Variants in TLE6 observed in about 807,000 individuals in gnomAD.
The protein encoded by TLE6 is TLE family member 6, subcortical maternal complex member.
A neutral mutation model predicts 77.1 loss-of-function variants in TLE6; 72 were observed. The ratio of observed to expected loss-of-function variants is 0.93; its 90% CI spans 0.77 to 1.14. TLE6 has a LOEUF of 1.14. Ranked by LOEUF, TLE6 falls within the 50% of genes most tolerant of loss-of-function variation. The probability of loss-of-function intolerance (pLI) is 0.00; values close to 1 mark genes in which losing one functional copy is unlikely to be tolerated. For missense variants in TLE6, 843 were observed against 747.6 expected (o/e 1.13, Z -1.49); for synonymous variants, 366 against 287.3 (o/e 1.27, Z -2.77).
At chr19:2,983,586 A>ACGAGGAAGC (rs1179722963) in intron 5 of TLE6, among the ~76,000 whole-genome samples, 1 of 129,044 alleles carries the variant, frequency 7.7e-6, no homozygotes, top group African/African-American at 3.4e-5. Context: ...TGAAGGCACT[A>ACGAGGAAGC]CGAGGAAGCC....
intron 11 of TLE6, 82 bp from the exon 12 acceptor site, chr19:2,988,979 C>T: frequency 6.5e-7 from 1 of 1,549,950 alleles, no homozygotes; most frequent in Non-Finnish European, 8.7e-7. Context: ...AAAAAGAAGC[C>T]CCTCTAGGCC....
chr19:2,993,746 G>A (rs907677198), intron 15 of TLE6, among the ~76,000 whole-genome samples, 164 bp downstream of exon 15: 1 of 152,022 alleles, frequency 6.6e-6, no homozygotes, highest in African/African-American at 2.4e-5. Flanking sequence ...AGGGAGGGAA[G>A]GGGGTGGGTG....
rs138108619 is a variant in TLE6, at chr19:2,991,868, G to A, written c.1270G>A (p.Val424Ile). 5 of 1,613,764 alleles carry A rather than the reference G, an allele frequency of 3.1e-6. No individual in the cohort carries two copies. The highest frequency in any genetic ancestry group is 1.6e-4 in the Middle Eastern group (1 of 6,084). Reference sequence around the variant, plus strand: ...GGACCTCAAGGGTTATCCTGATGGAGTCAAGAGTATCGTGGTCAAGGGCTA... The same window carrying A: ...GGACCTCAAGGGTTATCCTGATGGAATCAAGAGTATCGTGGTCAAGGGCTA... ...VRDLKGYPDGVKSIVVKGYNI... is the reference protein window; with the variant it reads ...VRDLKGYPDGIKSIVVKGYNI... The change falls in exon 14 of 17, where the codon GTC (valine) becomes ATC (isoleucine). Residue 424 changes from valine (V) to isoleucine (I), a missense_variant. Val to Ile is a conservative substitution (Grantham distance 29). Coordinates refer to ENST00000246112, the MANE Select transcript of TLE6 (RefSeq NM_001143986.2).
chr19:2,991,419 CACACACAT>C (rs113256897), intron 13 of TLE6, among the ~76,000 whole-genome samples: 17 of 148,162 alleles, frequency 1.1e-4, no homozygotes, highest in African/African-American at 3.7e-4. Context: ...CACACACACA[CACACACAT>C]ATATATAATA....
chr19:2,987,441 C>A, intron 8 of TLE6, 69 bp downstream of exon 8: 1 of 1,600,082 alleles, frequency 6.2e-7, no homozygotes, highest in South Asian at 1.1e-5. Flanking sequence ...TCCCCCAGGT[C>A]AGGGCACTGG....
intron 12 of TLE6, 89 bp downstream of exon 12, chr19:2,989,402 G>A: frequency 6.3e-7 from 1 of 1,584,652 alleles, no homozygotes; most frequent in South Asian, 1.1e-5. Flanking sequence ...ATCGTGGAGA[G>A]AGGGCTTCCA....
At chr19:2,989,870 C>T in intron 13 of TLE6, 85 bp downstream of exon 13, 6 of 1,552,588 alleles carry the variant, frequency 3.9e-6, no homozygotes, top group Non-Finnish European at 5.3e-6. Flanking sequence ...CCACCTCTGC[C>T]CGCCTTCCTG....
chr19:2,988,459 G>A (rs112632991), intron 11 of TLE6, among the ~76,000 whole-genome samples: 266 of 152,220 alleles, frequency 1.7e-3, no homozygotes, highest in Middle Eastern at 3.4e-3. Flanking sequence ...TTAGCCAGGC[G>A]TGGTGGTGGG....
intron 4 of TLE6, 123 bp downstream of exon 4, chr19:2,981,706 C>T: frequency 1.9e-6 from 2 of 1,068,642 alleles, no homozygotes; most frequent in Non-Finnish European, 1.4e-6. Flanking sequence ...CACTGTGCCT[C>T]ACGCCTGTAA....
At chr19:2,991,383 T>TACAC (rs778438599) in intron 13 of TLE6, among the ~76,000 whole-genome samples, 1,748 of 103,040 alleles carry the variant, frequency 0.017, 43 homozygotes, top group African/African-American at 0.082. Flanking sequence ...TACGTATATA[T>TACAC]ATATATATAT....
chr19:2,992,920 G>A (rs1463716598), intron 14 of TLE6, among the ~76,000 whole-genome samples: 1 of 149,344 alleles, frequency 6.7e-6, no homozygotes, highest in Non-Finnish European at 1.5e-5. Flanking sequence ...CGGGCGCAGT[G>A]TCTCACGCCT....
chr19:2,987,836 T>C lies in TLE6; in HGVS notation c.625+46T>C, dbSNP rs541661468. ...CCGACCGACTCCAGGCGGGATGGGG[T>C]GGGGGCATCCTGTGCTGAGGAGCCA... On this transcript the variant is annotated intron_variant, in intron 9 of 16. Coordinates refer to ENST00000246112, the MANE Select transcript of TLE6 (RefSeq NM_001143986.2). 6.8e-4 allele frequency: 1,094 copies of C among 1,613,566 alleles called. 19 individuals carry two copies. In the South Asian group the frequency reaches 0.011, roughly 17 times the overall value.
rs1306879143 is a variant in TLE6, at chr19:2,978,228, T to C, written c.-6T>C. The C allele has an allele frequency of 6.4e-6, 10 of 1,551,432 alleles. No homozygotes were observed. Among genetic ancestry groups the C allele is most frequent in the Non-Finnish European group, 7.8e-6 (9 of 1,146,934 alleles). On this transcript the variant is annotated 5_prime_UTR_variant, in exon 2 of 17. Transcript: ENST00000246112. ...GGCTAAAGTCTTGGAGGCTACTGCC[T>C]TGAAGATGACCTCTAGGGACCAGCC...
At chr19:2,985,954 A>T (rs1483860510) in intron 5 of TLE6, among the ~76,000 whole-genome samples, 2 of 150,562 alleles carry the variant, frequency 1.3e-5, no homozygotes, top group African/African-American at 2.4e-5. Flanking sequence ...ACACGCCTGT[A>T]ATCCAGCTAC....
At position 2,982,159 on chromosome 19, in the gene TLE6, C is replaced by A. The variant is rs2088811161; in HGVS notation, c.192C>A (p.Ile64=). 1 of 1,551,362 alleles carries A rather than the reference C, an allele frequency of 6.4e-7. No individual in the cohort carries two copies. Among genetic ancestry groups the A allele is most frequent in the South Asian group, 1.2e-5 (1 of 84,048 alleles). The change falls in exon 5 of 17, where the codon ATC becomes ATA. Residue 64 remains isoleucine (I), a synonymous_variant. Transcript: ENST00000246112. Reference sequence around the variant, plus strand: ...TTTTCCCTTTGCAGCTGCACAAGATCCAGCAGGATGTGGCAGAACATCACA... The same window carrying A: ...TTTTCCCTTTGCAGCTGCACAAGATACAGCAGGATGTGGCAGAACATCACA... ...LESIYYSLHK[I]QQDVAEHHKQ...
intron 5 of TLE6, among the ~76,000 whole-genome samples, chr19:2,983,347 A>ATCCCCTAACACTCCATCTACC (rs2088837979): frequency 6.6e-6 from 1 of 152,044 alleles, no homozygotes; most frequent in South Asian, 2.1e-4. Context: ...AGGGCTGGGC[A>ATCCCCTAACACTCCATCTACC]AGGCGGGGGA....
At position 2,992,793 on chromosome 19, in the gene TLE6, A is replaced by AAACGGGGGG. The variant is rs1487334518; in HGVS notation, c.1387-639_1387-638insAACGGGGGG. ...AGACCCTGTCTCAAAAAAAAAAAAA[A>AAACGGGGGG]GGGGGGGAGGCGGGTGGGGGGGGGG... On this transcript the variant is annotated intron_variant, in intron 14 of 16. Coordinates refer to ENST00000246112, the MANE Select transcript of TLE6 (RefSeq NM_001143986.2). Among the ~76,000 whole-genome samples, 6 of 19,754 alleles carry AAACGGGGGG rather than the reference A, an allele frequency of 3.0e-4. 1 individual carries two copies. Among genetic ancestry groups the AAACGGGGGG allele is most frequent in the Admixed American group, 1.6e-3 (2 of 1,222 alleles). 13.0% of individuals were successfully genotyped at this position (19,754 alleles called of 152,430 possible).
At chr19:2,986,292 T>C (rs1454270006) in intron 5 of TLE6, among the ~76,000 whole-genome samples, 1 of 151,568 alleles carries the variant, frequency 6.6e-6, no homozygotes, top group East Asian at 1.9e-4. Flanking sequence ...GGTGCATACC[T>C]GTAACCCCAG....
At chr19:2,991,176 A>G (rs1351932341) in intron 13 of TLE6, among the ~76,000 whole-genome samples, 1 of 150,644 alleles carries the variant, frequency 6.6e-6, no homozygotes, top group Non-Finnish European at 1.5e-5. Context: ...CCAGGCTAAC[A>G]TGGAGATACC....
Sources: gnomAD v4.1 joint callset for allele counts (sites outside exome capture counted in the v4.1 genomes callset) on GRCh38, gnomAD v4.1.1 for gene constraint, MANE v1.5 for transcripts, NCBI Gene and HGNC (gene_info 2026-07-23, HGNC 2026-07-21) for gene names.